The following DPP6 variants were observed in gnomAD, a reference collection of about 807,000 sequenced individuals.
The protein encoded by DPP6 is dipeptidyl peptidase like 6.
Under a neutral mutation model 122.6 loss-of-function variants are expected in DPP6, and 69 were observed. The ratio of observed to expected loss-of-function variants is 0.56; its 90% confidence interval spans 0.46 to 0.69. DPP6 has a LOEUF of 0.69. Among genes scored for constraint, DPP6 ranks in the 30% least tolerant of loss-of-function variants. The pLI is 0.00. For missense variants in DPP6, 928 were observed against 1,116.9 expected (o/e 0.83, Z 2.41); for synonymous variants, 418 against 433.1 (o/e 0.97, Z 0.43).
intron 1 of DPP6, among the ~76,000 whole-genome samples, chr7:154,063,602 GA>G (rs1802418565): frequency 1.7e-5 from 1 of 60,086 alleles, no homozygotes; most frequent in East Asian, 4.9e-4. Context: ...CCATCGCAGT[GA>G]GGGAGGCACC....
At chr7:154,180,675 T>G (rs1798039230) in intron 1 of DPP6, among the ~76,000 whole-genome samples, 1 of 151,736 alleles carries the variant, frequency 6.6e-6, no homozygotes, top group African/African-American at 2.4e-5. Context: ...GCGATGAAAC[T>G]TCAAATGACT....
chr7:154,158,631 A>G (rs182186818), intron 1 of DPP6, among the ~76,000 whole-genome samples: 1 of 151,978 alleles, frequency 6.6e-6, no homozygotes, highest in South Asian at 2.1e-4. Flanking sequence ...TTATGAAACA[A>G]CATTCCTCAA....
chr7:153,938,851 G>A (rs534894596), intron 1 of DPP6, among the ~76,000 whole-genome samples: 1 of 152,318 alleles, frequency 6.6e-6, no homozygotes, highest in Non-Finnish European at 1.5e-5. Context: ...TGCACGGAAT[G>A]GCCGGCTGAG....
In DPP6 at chr7:154,587,779, C is replaced by T. The variant is rs761202659; in HGVS notation, c.627+20863C>T. 7 of 1,608,664 alleles carry T rather than the reference C, an allele frequency of 4.4e-6. No individual in the cohort carries two copies. The South Asian group carries it at 6.6e-5, about 15-fold the overall frequency. ...TCTTCATTACATCACCATGTCTCTTCCTCTTCACTGCCTGCGTGACTATGT... is the reference window on the plus strand; with the variant it reads ...TCTTCATTACATCACCATGTCTCTTTCTCTTCACTGCCTGCGTGACTATGT... On this transcript the variant is annotated intron_variant, in intron 5 of 25. Coordinates refer to ENST00000377770, the MANE Select transcript of DPP6 (RefSeq NM_130797.4).
chr7:154,246,850 T>C (rs1022600346), intron 1 of DPP6, among the ~76,000 whole-genome samples: 1 of 152,142 alleles, frequency 6.6e-6, no homozygotes, highest in African/African-American at 2.4e-5. Flanking sequence ...TATCTAAATA[T>C]AAAAGCTAAA....
At chr7:153,913,559 C>A (rs2129004117) in intron 1 of DPP6, among the ~76,000 whole-genome samples, 1 of 152,236 alleles carries the variant, frequency 6.6e-6, no homozygotes, top group African/African-American at 2.4e-5. Context: ...TAGTTTGGAC[C>A]AGCACTAAGT....
At chr7:154,402,640 C>G (rs1815730913) in intron 1 of DPP6, among the ~76,000 whole-genome samples, 1 of 148,100 alleles carries the variant, frequency 6.8e-6, no homozygotes, top group Non-Finnish European at 1.5e-5. Flanking sequence ...GGAGATATAC[C>G]TAATGCTAGA....
At chr7:154,275,112 C>T (rs1269669499) in intron 1 of DPP6, among the ~76,000 whole-genome samples, 2 of 152,248 alleles carry the variant, frequency 1.3e-5, no homozygotes, top group Non-Finnish European at 2.9e-5. Flanking sequence ...GCTCTTACTG[C>T]CCGCCTGGCC....
intron 5 of DPP6, among the ~76,000 whole-genome samples, chr7:154,578,484 G>A (rs1332900828): frequency 1.3e-5 from 2 of 151,126 alleles, no homozygotes; most frequent in African/African-American, 2.4e-5. Context: ...CTGCGTGCAA[G>A]AGTAAGCAGG....
At chr7:154,350,310 G>A (rs115805881) in intron 1 of DPP6, among the ~76,000 whole-genome samples, 2,725 of 152,248 alleles carry the variant, frequency 0.018, 78 homozygotes, top group African/African-American at 0.061. Flanking sequence ...GGAGGAACAC[G>A]GCCTTGAAGG....
intron 1 of DPP6, among the ~76,000 whole-genome samples, chr7:154,299,664 CA>C: frequency 6.6e-6 from 1 of 152,302 alleles, no homozygotes; most frequent in South Asian, 2.1e-4. Flanking sequence ...CAAAGACTTA[CA>C]ATCCAAAATC....
rs1039080674 is a variant in DPP6, at chr7:153,969,390, C to T, written c.51+81656C>T. ...TGTTCGAGCTGCTTTAACAGAAGAG[C>T]GGCTTTTTGGGATAAATTTCTCATC... On this transcript the variant is annotated intron_variant, in intron 1 of 25. Transcript: ENST00000404039. Among the ~76,000 whole-genome samples the T allele has an allele frequency of 8.2e-5, 12 of 146,994 alleles. 1 individual carries two copies. In the East Asian group the frequency reaches 1.2e-3, roughly 14 times the overall value.
intron 21 of DPP6, among the ~76,000 whole-genome samples, chr7:154,883,339 C>T (rs1021423714): frequency 1.6e-4 from 24 of 149,378 alleles, no homozygotes; most frequent in Admixed American, 4.0e-4. Context: ...TGGTGTCACA[C>T]ACACGCTCAT....
intron 16 of DPP6, among the ~76,000 whole-genome samples, chr7:154,841,351 C>T (rs887553918): frequency 6.7e-6 from 1 of 150,312 alleles, no homozygotes; most frequent in Non-Finnish European, 1.5e-5. Context: ...CCTTTGCCCC[C>T]CTGTAGCCTT....
At chr7:154,727,975 C>T in intron 8 of DPP6, 88 bp downstream of exon 8, 4 of 1,497,806 alleles carry the variant, frequency 2.7e-6, no homozygotes, top group South Asian at 1.4e-5. Flanking sequence ...TTTTCTTTGA[C>T]TTTAACTGTA....
the DPP6 span, among the ~76,000 whole-genome samples, chr7:153,784,966 G>A: frequency 2.0e-5 from 3 of 152,194 alleles, no homozygotes; most frequent in East Asian, 5.8e-4. Context: ...TAACCAGGTT[G>A]CTGGGGCGAG....
upstream of DPP6, among the ~76,000 whole-genome samples, chr7:154,051,397 C>A (rs62485597): frequency 6.7e-6 from 1 of 149,770 alleles, no homozygotes; most frequent in Non-Finnish European, 1.5e-5. Context: ...CCCAGCAACT[C>A]CAGAAGGACG....
At chr7:154,752,533 TAA>T (rs1414848222) in intron 8 of DPP6, among the ~76,000 whole-genome samples, 1 of 152,154 alleles carries the variant, frequency 6.6e-6, no homozygotes, top group Non-Finnish European at 1.5e-5. Context: ...TGGAAGAACG[TAA>T]GTGTACAGGA....
At chr7:154,052,096 G>C (rs934228815), upstream of DPP6, among the ~76,000 whole-genome samples, 1 of 119,410 alleles carries the variant, frequency 8.4e-6, no homozygotes, top group Non-Finnish European at 1.9e-5. The surrounding 1 kb of genome is among the most constrained non-coding windows in gnomAD (Gnocchi z 4.8). Context: ...CCCTTGCACC[G>C]TCCGCTCGCG....
Sources: allele counts gnomAD v4.1 joint callset (sites outside exome capture counted in the v4.1 genomes callset), GRCh38; gene constraint gnomAD v4.1.1; non-coding constraint Gnocchi (gnomAD v3.1); transcripts MANE v1.5; gene names NCBI Gene and HGNC (gene_info 2026-07-23, HGNC 2026-07-21).